Variants in NRXN3 observed in about 807,000 individuals in gnomAD.
The protein encoded by NRXN3 is neurexin III.
Under a neutral mutation model 137.6 loss-of-function variants are expected in NRXN3, and 32 were observed. That is an observed-to-expected ratio of 0.23 (90% confidence interval 0.18 to 0.31). NRXN3 has a LOEUF of 0.31. Ranked by LOEUF, NRXN3 falls within the 10% of genes least tolerant of loss-of-function variation. The pLI is 1.00. For missense variants in NRXN3, 1,574 were observed against 2,062.5 expected, an observed-to-expected ratio of 0.76 and a Z score of 4.59; for synonymous variants, 798 against 784.5, an observed-to-expected ratio of 1.02 and a Z score of -0.29.
intron 15 of NRXN3, among the ~76,000 whole-genome samples, chr14:79,120,522 T>C (rs2055223268): frequency 6.6e-6 from 1 of 151,962 alleles, no homozygotes; most frequent in South Asian, 2.1e-4. Flanking sequence ...CAGTGAATAT[T>C]CAGAATAGAA....
chr14:78,803,335 A>G (rs1023373324), intron 8 of NRXN3, among the ~76,000 whole-genome samples: 1 of 152,166 alleles, frequency 6.6e-6, no homozygotes, highest in African/African-American at 2.4e-5. Context: ...AAATATCTTC[A>G]TATCCATTAT....
chr14:78,516,509 T>C (rs2096210214), intron 4 of NRXN3, among the ~76,000 whole-genome samples: 1 of 151,096 alleles, frequency 6.6e-6, no homozygotes, highest in Non-Finnish European at 1.5e-5. Flanking sequence ...CTGAGATGGC[T>C]TTAAAGAAAA....
chr14:78,694,682 C>A (rs1435602944), intron 6 of NRXN3, among the ~76,000 whole-genome samples: 1 of 151,900 alleles, frequency 6.6e-6, no homozygotes, highest in African/African-American at 2.4e-5. Context: ...AACCTGGAAA[C>A]TAAGTTTAGT....
At chr14:78,608,005 GT>G (rs1277584842) in intron 4 of NRXN3, among the ~76,000 whole-genome samples, 3 of 152,150 alleles carry the variant, frequency 2.0e-5, no homozygotes, top group Non-Finnish European at 4.4e-5. Context: ...AAAATTCTAA[GT>G]TTTCCAGTTT....
At chr14:78,912,783 T>A (rs1190000126) in intron 10 of NRXN3, among the ~76,000 whole-genome samples, 5 of 152,208 alleles carry the variant, frequency 3.3e-5, no homozygotes, top group African/African-American at 1.2e-4. Context: ...TGGATCCATT[T>A]GTTTTAGAAA....
chr14:79,028,233 T>G (rs1299961167), intron 15 of NRXN3, among the ~76,000 whole-genome samples: 1 of 152,152 alleles, frequency 6.6e-6, no homozygotes, highest in African/African-American at 2.4e-5. Flanking sequence ...TCTCTCTTCT[T>G]ATTTGTCACA....
intron 4 of NRXN3, among the ~76,000 whole-genome samples, chr14:78,354,497 T>G (rs1426315396): frequency 6.6e-6 from 1 of 152,310 alleles, no homozygotes; most frequent in South Asian, 2.1e-4. Flanking sequence ...AAAGTCTCAC[T>G]GCCTCTTTCG....
intron 4 of NRXN3, among the ~76,000 whole-genome samples, chr14:78,470,199 A>G (rs945245918): frequency 2.6e-5 from 4 of 152,180 alleles, no homozygotes; most frequent in African/African-American, 9.7e-5. Flanking sequence ...GACACTGACA[A>G]TCTTCCCTGG....
chr14:78,463,574 AAT>A (rs1300033795), intron 4 of NRXN3, among the ~76,000 whole-genome samples: 1 of 150,044 alleles, frequency 6.7e-6, no homozygotes, highest in African/African-American at 2.5e-5. Flanking sequence ...TTAATAATAA[AAT>A]ATGTTTTTCT....
At position 78,947,328 on chromosome 14, in the gene NRXN3, G is replaced by A. The variant is rs77807490; in HGVS notation, c.2276-9914G>A. Among the ~76,000 whole-genome samples the A allele has an allele frequency of 9.4e-3, 1,439 of 152,276 alleles. 16 individuals are homozygous for A. Among genetic ancestry groups the A allele is most frequent in the African/African-American group, 0.032 (1,332 of 41,552 alleles). On this transcript the variant is annotated intron_variant, in intron 10 of 20. Coordinates refer to ENST00000335750, the MANE Select transcript of NRXN3 (RefSeq NM_001330195.2). ...TATTTAGTACTTTCTATTGTAGGAA[G>A]GAGATGCTGCAAACACCATGGAGGT... is the stretch of plus-strand genomic sequence containing the variant.
chr14:79,505,691 A>G (rs750423823), intron 16 of NRXN3, among the ~76,000 whole-genome samples: 18 of 152,214 alleles, frequency 1.2e-4, no homozygotes, highest in Non-Finnish European at 2.1e-4. Flanking sequence ...AATGGGTTGC[A>G]AATGCTCTTT....
At chr14:78,610,058 A>G (rs901161915) in intron 4 of NRXN3, among the ~76,000 whole-genome samples, 4 of 151,950 alleles carry the variant, frequency 2.6e-5, no homozygotes, top group African/African-American at 9.7e-5. Context: ...GAGAGAGGAG[A>G]GAGAGAAAGA....
chr14:79,204,853 G>A (rs565808843), intron 15 of NRXN3, among the ~76,000 whole-genome samples: 1 of 152,256 alleles, frequency 6.6e-6, no homozygotes, highest in South Asian at 2.1e-4. Context: ...TTTTTGGACA[G>A]TACTGAAAGT....
intron 4 of NRXN3, among the ~76,000 whole-genome samples, chr14:78,526,060 T>G (rs1396479496): frequency 6.6e-6 from 1 of 152,172 alleles, no homozygotes; most frequent in Non-Finnish European, 1.5e-5. Flanking sequence ...GTGGGTCTAG[T>G]GAAACAAAGA....
intron 15 of NRXN3, among the ~76,000 whole-genome samples, chr14:79,121,170 G>C (rs1431683868): frequency 2.0e-5 from 3 of 152,200 alleles, no homozygotes; most frequent in Admixed American, 6.5e-5. Flanking sequence ...AGTCATCACT[G>C]TAAGAACATT....
intron 1 of NRXN3, among the ~76,000 whole-genome samples, chr14:78,226,389 C>CTA (rs1258339726): frequency 6.6e-6 from 1 of 152,158 alleles, no homozygotes; most frequent in African/African-American, 2.4e-5. Flanking sequence ...GACCGCTTAA[C>CTA]TCCCTCTTGT....
intron 4 of NRXN3, among the ~76,000 whole-genome samples, chr14:78,551,750 A>G (rs1235716149): frequency 1.5e-5 from 2 of 130,214 alleles, no homozygotes; most frequent in Non-Finnish European, 3.1e-5. Flanking sequence ...CTCCCTTTCT[A>G]TCCTCCCTCT....
chr14:79,095,457 T>A (rs889076371), intron 15 of NRXN3, among the ~76,000 whole-genome samples: 1 of 152,038 alleles, frequency 6.6e-6, no homozygotes, highest in African/African-American at 2.4e-5. Context: ...GACTAGAGAG[T>A]TATCAAGGAA....
chr14:79,025,678 AT>A (rs1392290320), intron 15 of NRXN3, among the ~76,000 whole-genome samples: 1 of 152,146 alleles, frequency 6.6e-6, no homozygotes, highest in African/African-American at 2.4e-5. Flanking sequence ...CAATAGAAAC[AT>A]TTTATCTTAC....
Sources: gnomAD v4.1 joint callset for allele counts (sites outside exome capture counted in the v4.1 genomes callset) on GRCh38, gnomAD v4.1.1 for gene constraint, MANE v1.5 for transcripts, NCBI Gene and HGNC (gene_info 2026-07-23, HGNC 2026-07-21) for gene names.